The following ARID5B variants were observed in gnomAD, a reference collection of about 807,000 sequenced individuals.
The protein encoded by ARID5B is AT-rich interaction domain 5B.
In ARID5B, 13 loss-of-function variants were observed where a neutral mutation model predicts 97.2. The observed-to-expected ratio is 0.13, with a 90% CI of 0.09 to 0.21. The LOEUF is 0.21. Ranked by LOEUF, ARID5B falls within the 10% of genes least tolerant of loss-of-function variation. ARID5B has a pLI of 1.00. For missense variants in ARID5B, 1,210 were observed against 1,465.3 expected (o/e 0.83, Z 2.84); for synonymous variants, 556 against 570.3 (o/e 0.97, Z 0.36).
intron 3 of ARID5B, among the ~76,000 whole-genome samples, chr10:61,998,162 A>T (rs1382487650): frequency 6.6e-6 from 1 of 152,234 alleles, no homozygotes; most frequent in Non-Finnish European, 1.5e-5. Flanking sequence ...CTAAGTGAAC[A>T]TAATTAGAAA....
intron 4 of ARID5B, among the ~76,000 whole-genome samples, chr10:62,013,424 A>C (rs1015776680): frequency 1.3e-5 from 2 of 152,202 alleles, no homozygotes; most frequent in Admixed American, 1.3e-4. Context: ...GCATTACCTC[A>C]CATACTTAAC....
intron 4 of ARID5B, among the ~76,000 whole-genome samples, chr10:62,010,483 G>A (rs1053229911): frequency 6.6e-6 from 1 of 152,150 alleles, no homozygotes; most frequent in African/African-American, 2.4e-5. Flanking sequence ...ATCCGAGAGG[G>A]CTTCAAATCT....
intron 3 of ARID5B, among the ~76,000 whole-genome samples, chr10:61,943,454 T>C (rs1345607673): frequency 6.9e-6 from 1 of 144,384 alleles, no homozygotes; most frequent in Non-Finnish European, 1.5e-5. Context: ...GAAGATGAAC[T>C]GTGAGATTAT....
At position 62,091,707 on chromosome 10, in the gene ARID5B, G is replaced by C. The variant is rs1177645299; in HGVS notation, c.2244G>C (p.Arg748=). The change falls in exon 10 of 10, where the codon CGG becomes CGC. Residue 748 remains arginine, a synonymous_variant. Coordinates refer to ENST00000279873, the MANE Select transcript of ARID5B (RefSeq NM_032199.3). ...GCACTGACCATATGGCGGTCAGCCG[G>C]CCATCAGTGATTCAGCACGTCCAGA... ...GQSTDHMAVS[R]PSVIQHVQSF... The C allele has an allele frequency of 6.2e-7, 1 of 1,614,016 alleles. No homozygotes were observed. The highest frequency in any genetic ancestry group is 2.2e-5 in the East Asian group (1 of 44,878).
chr10:62,052,837 C>T lies in ARID5B; in HGVS notation c.846+1837C>T, dbSNP rs535250863. Among the ~76,000 whole-genome samples, 11 of 152,280 alleles carry T rather than the reference C, an allele frequency of 7.2e-5. No homozygotes were observed. In the South Asian group the frequency reaches 2.1e-3, roughly 29 times the overall value. ...ACAAAGAGATGGATCATTCTTCCAC[C>T]GTTGGTGTTCAATGGTGAACAGATG... On this transcript the variant is annotated intron_variant, in intron 5 of 9. Transcript: ENST00000279873.
intron 4 of ARID5B, among the ~76,000 whole-genome samples, chr10:62,026,838 A>G (rs1385019354): frequency 6.6e-6 from 1 of 152,252 alleles, no homozygotes; most frequent in African/African-American, 2.4e-5. Flanking sequence ...AGTTAATAAC[A>G]TGCTCTATGT....
rs193171999 is a variant in ARID5B, at chr10:61,941,180, G to A, written c.502+772G>A. On this transcript the variant is annotated intron_variant, in intron 3 of 9. Transcript: ENST00000279873. ...GGGGAACTTTACAGGGTTATTGTGA[G>A]ATGTGAGATAGAAGGGGTAGAGCAC... 3.3e-5 allele frequency among the ~76,000 whole-genome samples: 5 copies of A among 150,374 alleles called. No homozygotes were observed. In the East Asian group the frequency reaches 9.8e-4, roughly 29 times the overall value.
chr10:62,068,551 G>C (rs148852603), intron 7 of ARID5B, among the ~76,000 whole-genome samples: 1,512 of 146,442 alleles, frequency 0.01, 7 homozygotes, highest in Middle Eastern at 0.028. Context: ...TTTTTCATTT[G>C]ATTGCTGCCT....
intron 8 of ARID5B, among the ~76,000 whole-genome samples, chr10:62,084,179 A>G (rs1840251391): frequency 6.6e-6 from 1 of 152,202 alleles, no homozygotes; most frequent in African/African-American, 2.4e-5. Context: ...CTCCTTGCTC[A>G]TACCTTGTCC....
intron 3 of ARID5B, among the ~76,000 whole-genome samples, chr10:61,949,843 T>C (rs1040440814): frequency 1.3e-5 from 2 of 152,250 alleles, no homozygotes; most frequent in African/African-American, 4.8e-5. Context: ...TTTCTTGCTG[T>C]GTACCTTGGA....
intron 2 of ARID5B, among the ~76,000 whole-genome samples, chr10:61,907,613 G>A (rs1843728365): frequency 6.6e-6 from 1 of 152,232 alleles, no homozygotes; most frequent in Non-Finnish European, 1.5e-5. Flanking sequence ...ATCATCTTAA[G>A]CTAAGAAAAG....
At chr10:62,012,428 G>A (rs1038459437) in intron 4 of ARID5B, among the ~76,000 whole-genome samples, 1 of 152,200 alleles carries the variant, frequency 6.6e-6, no homozygotes, top group Non-Finnish European at 1.5e-5. Flanking sequence ...GGAGGCTGAC[G>A]TGGGAGGATC....
intron 3 of ARID5B, among the ~76,000 whole-genome samples, chr10:61,962,331 C>T (rs1236977232): frequency 2.6e-5 from 4 of 152,182 alleles, no homozygotes; most frequent in Non-Finnish European, 4.4e-5. Context: ...ACACAAAAAA[C>T]AAAGGTGAAG....
At chr10:62,021,069 T>TATAC (rs1839351999) in intron 4 of ARID5B, among the ~76,000 whole-genome samples, 1 of 132,584 alleles carries the variant, frequency 7.5e-6, no homozygotes, top group African/African-American at 2.7e-5. Flanking sequence ...TATATATATA[T>TATAC]CTCAGAAGAT....
At chr10:61,988,312 T>C (rs1284251953) in intron 3 of ARID5B, among the ~76,000 whole-genome samples, 1 of 152,194 alleles carries the variant, frequency 6.6e-6, no homozygotes, top group Non-Finnish European at 1.5e-5. Flanking sequence ...CTGGGTGTCA[T>C]GACAGAAAAC....
At chr10:62,027,016 C>T (rs542692303) in intron 4 of ARID5B, among the ~76,000 whole-genome samples, 4 of 152,300 alleles carry the variant, frequency 2.6e-5, no homozygotes, top group Non-Finnish European at 5.9e-5. Flanking sequence ...GAAACATATG[C>T]ATGACAAGTT....
At chr10:61,941,075 C>G (rs1318969239) in intron 3 of ARID5B, among the ~76,000 whole-genome samples, 1 of 133,882 alleles carries the variant, frequency 7.5e-6, no homozygotes, top group East Asian at 2.5e-4. Flanking sequence ...TGTTTACATA[C>G]TAACTCTGCT....
chr10:62,048,012 G>A (rs531210018), intron 4 of ARID5B, among the ~76,000 whole-genome samples: 1 of 152,126 alleles, frequency 6.6e-6, no homozygotes, highest in Non-Finnish European at 1.5e-5. Context: ...TAGCCTTACT[G>A]AGATACCAAA....
chr10:61,973,761 T>C (rs541321748), intron 3 of ARID5B, among the ~76,000 whole-genome samples: 1 of 152,330 alleles, frequency 6.6e-6, no homozygotes, highest in African/African-American at 2.4e-5. Context: ...TAAAATGAGA[T>C]ATTCAGGCAG....
Sources: gnomAD v4.1 joint callset for allele counts (sites outside exome capture counted in the v4.1 genomes callset) on GRCh38, gnomAD v4.1.1 for gene constraint, MANE v1.5 for transcripts, NCBI Gene and HGNC (gene_info 2026-07-23, HGNC 2026-07-21) for gene names.